FAM81A: variants seen among roughly 807,000 people sequenced by gnomAD.
FAM81A encodes family with sequence similarity 81 member A.
In FAM81A, 19 loss-of-function variants were observed where a neutral mutation model predicts 46.7. The ratio of observed to expected loss-of-function variants is 0.41; its 90% confidence interval spans 0.28 to 0.60. The LOEUF (loss-of-function observed/expected upper bound fraction) is 0.60. Ranked by LOEUF, FAM81A falls within the 20% of genes least tolerant of loss-of-function variation. The pLI, the probability that FAM81A is intolerant of heterozygous loss-of-function variation, is 0.34. For synonymous variants in FAM81A, 183 were observed against 152.9 expected (o/e 1.20, Z -1.45); for missense variants, 377 against 453.5 (o/e 0.83, Z 1.53).
intron 3 of FAM81A, among the ~76,000 whole-genome samples, chr15:59,466,765 G>A (rs532752167): frequency 2.6e-5 from 4 of 152,126 alleles, no homozygotes; most frequent in South Asian, 2.1e-4. Flanking sequence ...GGTGTTTTAG[G>A]CATGAAGTCC....
intron 8 of FAM81A, among the ~76,000 whole-genome samples, chr15:59,517,494 G>A (rs1158318117): frequency 6.6e-6 from 1 of 152,160 alleles, no homozygotes; most frequent in Non-Finnish European, 1.5e-5. Context: ...CTTTGTTACA[G>A]AAAATATTCA....
chr15:59,430,621 A>C (rs2081215908), intron 2 of FAM81A, among the ~76,000 whole-genome samples: 2 of 152,128 alleles, frequency 1.3e-5, no homozygotes, highest in Admixed American at 1.3e-4. Flanking sequence ...GGCAGGAAGG[A>C]TTCAGATAAA....
intron 3 of FAM81A, among the ~76,000 whole-genome samples, chr15:59,468,134 C>T (rs2081638392): frequency 6.6e-6 from 1 of 152,112 alleles, no homozygotes; most frequent in South Asian, 2.1e-4. Context: ...AGGATTTTCA[C>T]ATTGAGTTCA....
chr15:59,494,985 A>T (rs1344786740), intron 4 of FAM81A, among the ~76,000 whole-genome samples: 19 of 152,276 alleles, frequency 1.2e-4, no homozygotes, highest in African/African-American at 4.6e-4. Context: ...ATCAGACCTG[A>T]AGGCCCGATA....
At chr15:59,512,246 A>C (rs1447528839) in intron 6 of FAM81A, among the ~76,000 whole-genome samples, 2 of 152,048 alleles carry the variant, frequency 1.3e-5, no homozygotes, top group Non-Finnish European at 2.9e-5. Flanking sequence ...TGGGAGGCCA[A>C]GGCAGGCAGA....
intron 2 of FAM81A, among the ~76,000 whole-genome samples, chr15:59,419,496 A>G (rs1001902959): frequency 6.6e-6 from 1 of 152,146 alleles, no homozygotes; most frequent in Non-Finnish European, 1.5e-5. Flanking sequence ...CTTCTACAGT[A>G]CTTGAAGTGT....
intron 1 of FAM81A, among the ~76,000 whole-genome samples, chr15:59,399,184 A>T (rs1398679389): frequency 6.6e-6 from 1 of 152,128 alleles, no homozygotes; most frequent in Non-Finnish European, 1.5e-5. Context: ...AAAAACAAAA[A>T]CAAAAAAGAA....
chr15:59,507,781 A>G (rs2082165270), intron 5 of FAM81A, among the ~76,000 whole-genome samples: 1 of 152,242 alleles, frequency 6.6e-6, no homozygotes, highest in African/African-American at 2.4e-5. Flanking sequence ...AGGCAAAGCT[A>G]GAGCATAGGC....
At chr15:59,426,737 G>A (rs1483323048) in intron 2 of FAM81A, among the ~76,000 whole-genome samples, 1 of 152,182 alleles carries the variant, frequency 6.6e-6, no homozygotes, top group Non-Finnish European at 1.5e-5. Context: ...ACTAAGGAAG[G>A]TGAGGATTTA....
chr15:59,475,328 G>T (rs759929197), intron 3 of FAM81A, among the ~76,000 whole-genome samples: 1 of 152,040 alleles, frequency 6.6e-6, no homozygotes, highest in Non-Finnish European at 1.5e-5. Context: ...TTTTTGTAGA[G>T]ACAGGGTTTC....
chr15:59,502,120 T>G (rs903727285), intron 4 of FAM81A, among the ~76,000 whole-genome samples: 3 of 151,708 alleles, frequency 2.0e-5, no homozygotes, highest in Non-Finnish European at 4.4e-5. Context: ...TTCTGAAACA[T>G]TTTAGAGTAA....
chr15:59,505,621 C>T (rs983248956), intron 4 of FAM81A, among the ~76,000 whole-genome samples: 1 of 152,094 alleles, frequency 6.6e-6, no homozygotes, highest in African/African-American at 2.4e-5. Context: ...ATGTACACCT[C>T]ACATCTGCAG....
chr15:59,407,476 T>C (rs2081101368), intron 2 of FAM81A, among the ~76,000 whole-genome samples: 1 of 151,960 alleles, frequency 6.6e-6, no homozygotes. Flanking sequence ...TTTGTATTTT[T>C]AGTAGAGACG....
intron 4 of FAM81A, among the ~76,000 whole-genome samples, chr15:59,505,857 C>A (rs1340202252): frequency 6.6e-6 from 1 of 152,190 alleles, no homozygotes; most frequent in African/African-American, 2.4e-5. Flanking sequence ...TATGTAAACT[C>A]TTTTCCTTGT....
intron 3 of FAM81A, among the ~76,000 whole-genome samples, chr15:59,473,287 C>G (rs1447614651): frequency 6.6e-6 from 1 of 152,140 alleles, no homozygotes; most frequent in African/African-American, 2.4e-5. Flanking sequence ...GTGTGCCATT[C>G]TGAGTAGCAT....
intron 2 of FAM81A, among the ~76,000 whole-genome samples, chr15:59,411,279 G>C (rs2081119372): frequency 6.6e-6 from 1 of 152,064 alleles, no homozygotes; most frequent in African/African-American, 2.4e-5. Context: ...TGGAGGGAAG[G>C]GCTCTTTCTA....
chr15:59,473,003 C>A (rs1352583286), intron 3 of FAM81A, among the ~76,000 whole-genome samples: 1 of 152,118 alleles, frequency 6.6e-6, no homozygotes, highest in Non-Finnish European at 1.5e-5. Context: ...AATTGAAGAA[C>A]CCCAACTCGA....
chr15:59,487,221 A>T (rs1229865678), intron 3 of FAM81A, among the ~76,000 whole-genome samples: 3 of 146,668 alleles, frequency 2.0e-5, no homozygotes, highest in Non-Finnish European at 4.5e-5. Context: ...TCTTATATGT[A>T]TATTATATAT....
chr15:59,418,024 T>C (rs1475461956), intron 2 of FAM81A, among the ~76,000 whole-genome samples: 5 of 152,234 alleles, frequency 3.3e-5, no homozygotes, highest in African/African-American at 9.6e-5. Context: ...AAGTGGTGTT[T>C]GGTTTTCTGT....
Sources: allele counts gnomAD v4.1 joint callset (sites outside exome capture counted in the v4.1 genomes callset), GRCh38; gene constraint gnomAD v4.1.1; transcripts MANE v1.5; gene names NCBI Gene and HGNC (gene_info 2026-07-23, HGNC 2026-07-21).